LSAMP: variants seen among roughly 807,000 people sequenced by gnomAD.
The protein encoded by LSAMP is limbic system-associated membrane protein.
Under a neutral mutation model 38.6 loss-of-function variants are expected in LSAMP, and 7 were observed. That is an observed-to-expected ratio of 0.18 (90% CI 0.10 to 0.34). The LOEUF (loss-of-function observed/expected upper bound fraction) is 0.34, where lower values mean the gene tolerates loss of function less well. Ranked by LOEUF, LSAMP falls within the 10% of genes least tolerant of loss-of-function variation. LSAMP has a pLI of 1.00. For missense variants in LSAMP, 313 were observed against 420.0 expected, an observed-to-expected ratio of 0.75 and a Z score of 2.23; for synonymous variants, 154 against 166.8, an observed-to-expected ratio of 0.92 and a Z score of 0.59.
chr3:116,065,085 T>A (rs569374507), intron 2 of LSAMP, among the ~76,000 whole-genome samples: 1 of 152,338 alleles, frequency 6.6e-6, no homozygotes, highest in East Asian at 1.9e-4. Context: ...AGTAGCCACT[T>A]TGTCAAATAT....
chr3:116,023,718 G>T (rs1940704682), intron 2 of LSAMP, among the ~76,000 whole-genome samples: 2 of 150,828 alleles, frequency 1.3e-5, no homozygotes, highest in African/African-American at 4.9e-5. Context: ...TTGCAAATAT[G>T]AATATAATAT....
intron 6 of LSAMP, among the ~76,000 whole-genome samples, chr3:115,840,679 G>A (rs927712841): frequency 1.4e-4 from 21 of 152,096 alleles, no homozygotes; most frequent in Admixed American, 1.4e-3. Context: ...GTTTTAAAAT[G>A]GCTTTAACAC....
rs183120821 is a variant in LSAMP at position 116,004,070 on chromosome 3, G to A, written c.514+15445C>T. On this transcript the variant is annotated intron_variant, in intron 3 of 6. Coordinates refer to ENST00000490035, the MANE Select transcript of LSAMP (RefSeq NM_002338.5). ...ATTAATGACTGCAACTATGTCTCAG[G>A]GATACATTTTTGTAGTTTAGTTTCC... Among the ~76,000 whole-genome samples the A allele has an allele frequency of 3.8e-3, 581 of 152,220 alleles. 3 individuals are homozygous for A. The highest frequency in any genetic ancestry group is 0.013 in the African/African-American group (547 of 41,540).
intron 1 of LSAMP, among the ~76,000 whole-genome samples, chr3:116,164,186 A>G (rs1351392729): frequency 6.6e-6 from 1 of 152,078 alleles, no homozygotes; most frequent in Non-Finnish European, 1.5e-5. Flanking sequence ...TTCCTGTCCT[A>G]TTTATTGATT....
At chr3:116,386,647 A>AT (rs1272374384) in intron 1 of LSAMP, among the ~76,000 whole-genome samples, 13 of 151,984 alleles carry the variant, frequency 8.6e-5, no homozygotes, top group South Asian at 2.1e-4. Flanking sequence ...TAACTTTCAT[A>AT]TTTTTTATAG....
chr3:116,384,250 T>C lies in LSAMP; in HGVS notation c.155+60627A>G, dbSNP rs145791896. On this transcript the variant is annotated intron_variant, in intron 1 of 6. Transcript: ENST00000490035. The stretch of plus-strand genomic sequence containing the variant: ...AGCCTGCTGCTACCTCACGTCTCAA[T>C]TTGGGATGAGGTTACCTCTTTATTC... Among the ~76,000 whole-genome samples, 658 of 152,240 alleles carry C rather than the reference T, an allele frequency of 4.3e-3. 7 individuals are homozygous for C. The highest frequency in any genetic ancestry group is 0.015 in the African/African-American group (624 of 41,528).
At chr3:116,289,402 A>AAT in intron 1 of LSAMP, among the ~76,000 whole-genome samples, 1 of 152,318 alleles carries the variant, frequency 6.6e-6, no homozygotes, top group South Asian at 2.1e-4. Flanking sequence ...ACCTGTATTT[A>AAT]ACTTAGAACA....
chr3:116,312,848 G>A (rs951389383), intron 1 of LSAMP, among the ~76,000 whole-genome samples: 1 of 152,160 alleles, frequency 6.6e-6, no homozygotes, highest in Non-Finnish European at 1.5e-5. Flanking sequence ...GTGTGTGTAT[G>A]TGTGTTTCTG....
At chr3:116,088,994 C>T (rs1013199734) in intron 1 of LSAMP, among the ~76,000 whole-genome samples, 2 of 152,174 alleles carry the variant, frequency 1.3e-5, no homozygotes, top group South Asian at 2.1e-4. Context: ...ATAGCACCCA[C>T]AAATAAATTG....
At chr3:115,987,991 G>T (rs1451333642) in intron 3 of LSAMP, among the ~76,000 whole-genome samples, 3 of 152,028 alleles carry the variant, frequency 2.0e-5, no homozygotes, top group African/African-American at 7.2e-5. Context: ...TTTATATAAA[G>T]CTAAATATGT....
intron 3 of LSAMP, among the ~76,000 whole-genome samples, chr3:115,880,841 G>T (rs995054964): frequency 6.6e-6 from 1 of 151,756 alleles, no homozygotes; most frequent in Admixed American, 6.6e-5. Flanking sequence ...AGACCAGCCC[G>T]GCCTACCAAC....
intron 2 of LSAMP, among the ~76,000 whole-genome samples, chr3:116,070,988 C>T (rs767525294): frequency 2.0e-5 from 3 of 150,776 alleles, no homozygotes; most frequent in South Asian, 2.1e-4. Flanking sequence ...TGCAGTGAGC[C>T]GAGATTGCAC....
intron 3 of LSAMP, among the ~76,000 whole-genome samples, chr3:115,865,245 G>C (rs1935824220): frequency 1.3e-5 from 2 of 150,666 alleles, no homozygotes; most frequent in Admixed American, 1.3e-4. Context: ...GTACTTCCTA[G>C]AAATGGCTTC....
At chr3:116,137,063 C>T (rs1232142687) in intron 1 of LSAMP, among the ~76,000 whole-genome samples, 7 of 152,090 alleles carry the variant, frequency 4.6e-5, no homozygotes, top group South Asian at 2.1e-4. Context: ...TAGCAGCTGG[C>T]GATCCTTGGT....
At chr3:116,218,479 T>C (rs1339917089) in intron 1 of LSAMP, among the ~76,000 whole-genome samples, 1 of 152,142 alleles carries the variant, frequency 6.6e-6, no homozygotes, top group East Asian at 1.9e-4. Flanking sequence ...CATTTTCCCC[T>C]CCCACAACCT....
At chr3:116,329,461 T>C (rs779847420) in intron 1 of LSAMP, among the ~76,000 whole-genome samples, 3 of 152,172 alleles carry the variant, frequency 2.0e-5, no homozygotes, top group Non-Finnish European at 4.4e-5. Context: ...CTGAAAATTG[T>C]TGGCAGAGAA....
At chr3:116,322,098 C>T (rs1374087828) in intron 1 of LSAMP, among the ~76,000 whole-genome samples, 1 of 152,150 alleles carries the variant, frequency 6.6e-6, no homozygotes, top group Non-Finnish European at 1.5e-5. Context: ...GGGTCATTAA[C>T]CCATATGTCT....
intron 1 of LSAMP, among the ~76,000 whole-genome samples, chr3:116,265,871 C>G (rs1269188426): frequency 6.6e-6 from 1 of 152,186 alleles, no homozygotes; most frequent in Non-Finnish European, 1.5e-5. Context: ...GCTCTCATCT[C>G]AAAACATAAG....
At chr3:116,393,278 C>A (rs560755495) in intron 1 of LSAMP, among the ~76,000 whole-genome samples, 1 of 152,182 alleles carries the variant, frequency 6.6e-6, no homozygotes, top group Non-Finnish European at 1.5e-5. Context: ...CCTCTTTGGG[C>A]CCCTGTGGTT....
Sources: gnomAD v4.1 joint callset for allele counts (sites outside exome capture counted in the v4.1 genomes callset) on GRCh38, gnomAD v4.1.1 for gene constraint, MANE v1.5 for transcripts, NCBI Gene and HGNC (gene_info 2026-07-23, HGNC 2026-07-21) for gene names.